The following GSTCD variants were observed in gnomAD, a reference collection of about 807,000 sequenced individuals.
The protein encoded by GSTCD is glutathione S-transferase C-terminal domain containing, also known as glutathione S-transferase C-terminal domain-containing protein.
Under a neutral mutation model 68.3 loss-of-function variants are expected in GSTCD, and 44 were observed. The observed-to-expected ratio is 0.64, with a 90% CI of 0.51 to 0.83. GSTCD has a LOEUF of 0.83. GSTCD is among the 40% of genes least tolerant of loss of function. The pLI is 0.00. For missense variants in GSTCD, 739 were observed against 735.9 expected, an observed-to-expected ratio of 1.00 and a Z score of -0.05; for synonymous variants, 273 against 255.2, an observed-to-expected ratio of 1.07 and a Z score of -0.67.
At chr4:105,843,077 C>T (rs1724419939) in intron 11 of GSTCD, among the ~76,000 whole-genome samples, 1 of 152,250 alleles carries the variant, frequency 6.6e-6, no homozygotes, top group Middle Eastern at 3.4e-3. Context: ...TACTAGAAAA[C>T]AGATTGTTGT....
chr4:105,714,888 C>T (rs1732639044), intron 1 of GSTCD, among the ~76,000 whole-genome samples: 1 of 152,108 alleles, frequency 6.6e-6, no homozygotes, highest in Non-Finnish European at 1.5e-5. Flanking sequence ...TTTTCATATT[C>T]TTATGTGCCT....
intron 5 of GSTCD, among the ~76,000 whole-genome samples, chr4:105,732,861 AAT>A (rs1733302928): frequency 6.6e-6 from 1 of 152,102 alleles, no homozygotes; most frequent in Non-Finnish European, 1.5e-5. Flanking sequence ...CACTGCTTTA[AAT>A]GTGTCCCAGA....
intron 5 of GSTCD, among the ~76,000 whole-genome samples, chr4:105,783,880 A>G (rs958641949): frequency 4.6e-5 from 7 of 152,090 alleles, no homozygotes; most frequent in African/African-American, 1.7e-4. Context: ...TGATCTTCAT[A>G]TTTTTGGAGA....
intron 5 of GSTCD, among the ~76,000 whole-genome samples, chr4:105,775,005 G>C (rs200454315): frequency 7.7e-3 from 47 of 6,128 alleles, no homozygotes; most frequent in Non-Finnish European, 0.023. Context: ...TCAAACTTAG[G>C]TTTCGTCTTT....
chr4:105,774,378 T>C (rs1461156783), intron 5 of GSTCD, among the ~76,000 whole-genome samples: 3 of 152,360 alleles, frequency 2.0e-5, no homozygotes, highest in African/African-American at 7.2e-5. Context: ...TATGTGTGAA[T>C]TTGAAACTGT....
chr4:105,768,067 T>C (rs1170017835), intron 5 of GSTCD, among the ~76,000 whole-genome samples: 1 of 151,518 alleles, frequency 6.6e-6, no homozygotes, highest in Non-Finnish European at 1.5e-5. Flanking sequence ...ACGGAGTCTC[T>C]CCCTGTCTCC....
At chr4:105,714,822 G>C (rs1282924117) in intron 1 of GSTCD, among the ~76,000 whole-genome samples, 1 of 151,996 alleles carries the variant, frequency 6.6e-6, no homozygotes, top group East Asian at 1.9e-4. Flanking sequence ...CTGACATTTA[G>C]CATTTTATTA....
At chr4:105,839,285 A>G (rs1467890783) in intron 10 of GSTCD, among the ~76,000 whole-genome samples, 2 of 152,246 alleles carry the variant, frequency 1.3e-5, no homozygotes, top group Non-Finnish European at 2.9e-5. Context: ...TATTTGCATA[A>G]CATTCAAAAC....
At chr4:105,824,248 A>G (rs2544417) in intron 7 of GSTCD, among the ~76,000 whole-genome samples, 123,963 of 152,086 alleles carry the variant, frequency 0.82, 50,926 homozygotes, top group East Asian at 0.96. Context: ...GAGAATAAAC[A>G]GGAAAATAAA....
intron 5 of GSTCD, among the ~76,000 whole-genome samples, chr4:105,799,558 G>A (rs1027042970): frequency 6.6e-6 from 1 of 152,112 alleles, no homozygotes; most frequent in African/African-American, 2.4e-5. Flanking sequence ...AGAGACAGGA[G>A]AACAGCTGGT....
intron 5 of GSTCD, among the ~76,000 whole-genome samples, chr4:105,804,812 C>A (rs1180710804): frequency 1.3e-5 from 2 of 152,008 alleles, no homozygotes; most frequent in Non-Finnish European, 2.9e-5. Flanking sequence ...TTCCAACAGG[C>A]CCCCTGTGTG....
chr4:105,772,859 ATGT>A (rs1231263946), intron 5 of GSTCD, among the ~76,000 whole-genome samples: 3 of 152,124 alleles, frequency 2.0e-5, no homozygotes, highest in Admixed American at 2.0e-4. Flanking sequence ...TATCAGGATG[ATGT>A]TGGCCTCATA....
At chr4:105,766,885 C>CTTTTTTTTTTTTT (rs1491149179) in intron 5 of GSTCD, among the ~76,000 whole-genome samples, 1 of 23,040 alleles carries the variant, frequency 4.3e-5, no homozygotes, top group African/African-American at 1.7e-4. Flanking sequence ...AGGTTTTTGA[C>CTTTTTTTTTTTTT]TCTTTTTTTT....
intron 5 of GSTCD, among the ~76,000 whole-genome samples, chr4:105,769,237 A>G (rs1244854184): frequency 0.072 from 450 of 6,214 alleles, 4 homozygotes; most frequent in South Asian, 0.18. Context: ...ACGCGCGCAC[A>G]CACACACACA....
intron 5 of GSTCD, among the ~76,000 whole-genome samples, chr4:105,743,198 C>A (rs930643831): frequency 6.6e-6 from 1 of 152,038 alleles, no homozygotes. Context: ...GATCTGCCCC[C>A]CTTGGCCTCC....
chr4:105,754,149 A>G (rs558332753), intron 5 of GSTCD, among the ~76,000 whole-genome samples: 1 of 152,266 alleles, frequency 6.6e-6, no homozygotes, highest in South Asian at 2.1e-4. Context: ...ATTTTATTCC[A>G]TGCTTTGAAC....
chr4:105,774,855 C>T (rs1196247200), intron 5 of GSTCD, among the ~76,000 whole-genome samples: 1 of 152,076 alleles, frequency 6.6e-6, no homozygotes, highest in East Asian at 1.9e-4. Flanking sequence ...TGAGGAGTAC[C>T]TTTGTGGTGT....
intron 5 of GSTCD, among the ~76,000 whole-genome samples, chr4:105,781,094 T>G (rs1735256370): frequency 6.6e-6 from 1 of 152,216 alleles, no homozygotes; most frequent in Non-Finnish European, 1.5e-5. Flanking sequence ...ATGTATAAAA[T>G]AACTTGCACA....
At chr4:105,837,828 T>A (rs749551657) in intron 9 of GSTCD, 31 bp from the exon 10 acceptor site, 19 of 911,492 alleles carry the variant, frequency 2.1e-5, no homozygotes, top group Non-Finnish European at 3.0e-5. Flanking sequence ...ATATTTAGAA[T>A]GATGACTAAT....
Sources: gnomAD v4.1 joint callset for allele counts (sites outside exome capture counted in the v4.1 genomes callset) on GRCh38, gnomAD v4.1.1 for gene constraint, MANE v1.5 for transcripts, NCBI Gene and HGNC (gene_info 2026-07-23, HGNC 2026-07-21) for gene names.